Variants in PLCB1 observed in about 807,000 individuals in gnomAD.
The protein encoded by PLCB1 is 1-phosphatidylinositol 4,5-bisphosphate phosphodiesterase beta-1.
In PLCB1, 46 loss-of-function variants were observed where a neutral mutation model predicts 161.8. The ratio of observed to expected loss-of-function variants is 0.28; its 90% CI spans 0.22 to 0.36. The LOEUF (loss-of-function observed/expected upper bound fraction) is 0.36. Among genes scored for constraint, PLCB1 ranks in the 10% least tolerant of loss-of-function variants. The pLI is 1.00. For synonymous variants in PLCB1, 517 were observed against 503.7 expected (o/e 1.03, Z -0.35); for missense variants, 1,016 against 1,472.5 (o/e 0.69, Z 5.07).
At chr20:8,227,472 A>T (rs1979759277) in intron 2 of PLCB1, among the ~76,000 whole-genome samples, 1 of 152,116 alleles carries the variant, frequency 6.6e-6, no homozygotes, top group Non-Finnish European at 1.5e-5. Context: ...TGCTGACCTC[A>T]CAGCAGGTAC....
chr20:8,374,405 T>C (rs1360596366), intron 3 of PLCB1, among the ~76,000 whole-genome samples: 2 of 152,194 alleles, frequency 1.3e-5, no homozygotes, highest in East Asian at 3.8e-4. Context: ...AACTACCATC[T>C]TGGGAAGTTC....
At chr20:8,299,551 C>CT (rs1983800812) in intron 2 of PLCB1, among the ~76,000 whole-genome samples, 1 of 152,178 alleles carries the variant, frequency 6.6e-6, no homozygotes, top group Non-Finnish European at 1.5e-5. Context: ...CTTCCATATG[C>CT]CCCTTTTGAG....
At chr20:8,796,847 T>C (rs1320154408) in intron 31 of PLCB1, among the ~76,000 whole-genome samples, 1 of 152,254 alleles carries the variant, frequency 6.6e-6, no homozygotes, top group Non-Finnish European at 1.5e-5. Flanking sequence ...TATGTTTTGA[T>C]CATGGTTCAT....
intron 3 of PLCB1, among the ~76,000 whole-genome samples, chr20:8,544,775 C>T (rs143757365): frequency 6.4e-4 from 98 of 152,264 alleles, no homozygotes; most frequent in African/African-American, 2.1e-3. Flanking sequence ...AAGTTTTCCC[C>T]CAAATGGGAC....
chr20:8,557,358 T>C (rs1479930367), intron 3 of PLCB1, among the ~76,000 whole-genome samples: 1 of 152,096 alleles, frequency 6.6e-6, no homozygotes, highest in African/African-American at 2.4e-5. Context: ...TGGAATATGA[T>C]TCAGCCTTCA....
chr20:8,509,645 T>G (rs978847), intron 3 of PLCB1, among the ~76,000 whole-genome samples: 1 of 151,412 alleles, frequency 6.6e-6, no homozygotes, highest in Non-Finnish European at 1.5e-5. Context: ...AAAAGAGAGG[T>G]CAGTTAAAAA....
At chr20:8,316,276 C>A (rs2122141075) in intron 2 of PLCB1, among the ~76,000 whole-genome samples, 1 of 152,258 alleles carries the variant, frequency 6.6e-6, no homozygotes, top group South Asian at 2.1e-4. Context: ...TTTATATGCT[C>A]TTAGACACAT....
At chr20:8,651,562 A>G (rs1389821855) in intron 7 of PLCB1, 14 of 713,376 alleles carry the variant, frequency 2.0e-5, no homozygotes, top group Non-Finnish European at 3.4e-5. Context: ...TAGGAAAAAT[A>G]TAACAATTAA....
intron 13 of PLCB1, 65 bp from the exon 14 acceptor site, chr20:8,717,606 G>A (rs1259914002): frequency 7.9e-6 from 10 of 1,271,324 alleles, no homozygotes; most frequent in South Asian, 2.8e-5. Flanking sequence ...TGATCTGGGG[G>A]TCTGGGGAGG....
At chr20:8,848,964 T>C (rs1203717110) in intron 31 of PLCB1, among the ~76,000 whole-genome samples, 1 of 152,226 alleles carries the variant, frequency 6.6e-6, no homozygotes, top group Non-Finnish European at 1.5e-5. Context: ...GAATTTTTCA[T>C]GCTTTTCTAA....
chr20:8,842,979 A>G (rs774779661), intron 31 of PLCB1, among the ~76,000 whole-genome samples: 26 of 152,186 alleles, frequency 1.7e-4, no homozygotes, highest in Non-Finnish European at 3.7e-4. Context: ...CTCCCTTAAT[A>G]GTTAAATGAT....
chr20:8,699,176 A>G (rs944634678), intron 11 of PLCB1, among the ~76,000 whole-genome samples: 3 of 152,220 alleles, frequency 2.0e-5, no homozygotes, highest in Non-Finnish European at 4.4e-5. Flanking sequence ...ACTAGGTCCC[A>G]AGGCATAAGC....
rs898896200 is a variant in PLCB1 at position 8,819,282 on chromosome 20, A to G, written c.3423+29021A>G. 7.9e-5 allele frequency among the ~76,000 whole-genome samples: 12 copies of G among 152,342 alleles called. No homozygotes were observed. In the East Asian group the frequency reaches 2.3e-3, roughly 29 times the overall value. ...CATGTGGAGAAACTCAGGCTTTTCA[A>G]TAAACATTGAAAGAACTATTATTAT... On this transcript the variant is annotated intron_variant, in intron 31 of 31. Coordinates refer to ENST00000338037, the MANE Select transcript of PLCB1 (RefSeq NM_015192.4).
At chr20:8,674,186 A>G (rs1600242458) in intron 9 of PLCB1, among the ~76,000 whole-genome samples, 1 of 152,246 alleles carries the variant, frequency 6.6e-6, no homozygotes, top group South Asian at 2.1e-4. Flanking sequence ...ACCAGCAAAT[A>G]TATCTATTAG....
At chr20:8,771,816 C>T (rs1364672598) in intron 26 of PLCB1, among the ~76,000 whole-genome samples, 1 of 151,992 alleles carries the variant, frequency 6.6e-6, no homozygotes, top group Non-Finnish European at 1.5e-5. Flanking sequence ...ATCCTGAAAA[C>T]ACCTCAGATA....
At chr20:8,436,846 G>C (rs1476456273) in intron 3 of PLCB1, among the ~76,000 whole-genome samples, 1 of 151,988 alleles carries the variant, frequency 6.6e-6, no homozygotes, top group Admixed American at 6.6e-5. Context: ...CTGGAGTGCA[G>C]GGGTACGATC....
chr20:8,461,063 T>C (rs975718690), intron 3 of PLCB1, among the ~76,000 whole-genome samples: 2 of 152,212 alleles, frequency 1.3e-5, no homozygotes, highest in Non-Finnish European at 2.9e-5. Context: ...TAATTTTATT[T>C]AGTTTAATTA....
intron 2 of PLCB1, among the ~76,000 whole-genome samples, chr20:8,279,540 C>T (rs554041779): frequency 2.0e-5 from 3 of 152,278 alleles, no homozygotes; most frequent in Admixed American, 6.5e-5. Flanking sequence ...AATGGTTACA[C>T]AACATTGTGA....
chr20:8,684,196 T>A (rs931869819), intron 9 of PLCB1, among the ~76,000 whole-genome samples: 3 of 151,652 alleles, frequency 2.0e-5, no homozygotes, highest in African/African-American at 7.3e-5. Context: ...AAAAACACTT[T>A]AACATTATTT....
Sources: gnomAD v4.1 joint callset for allele counts (sites outside exome capture counted in the v4.1 genomes callset) on GRCh38, gnomAD v4.1.1 for gene constraint, MANE v1.5 for transcripts, NCBI Gene and HGNC (gene_info 2026-07-23, HGNC 2026-07-21) for gene names.